The following BTRC variants were observed in gnomAD, a reference collection of about 807,000 sequenced individuals.
BTRC encodes the protein beta-transducin repeat containing E3 ubiquitin protein ligase, also known as F-box/WD repeat-containing protein 1A.
In BTRC, 42 loss-of-function variants were observed where a neutral mutation model predicts 85.5. The observed-to-expected ratio is 0.49, with a 90% CI of 0.38 to 0.64. The LOEUF (loss-of-function observed/expected upper bound fraction) is 0.64. Among genes scored for constraint, BTRC ranks in the 30% least tolerant of loss-of-function variants. The pLI, the probability that BTRC is intolerant of heterozygous loss-of-function variation, is 0.00. For synonymous variants in BTRC, 255 were observed against 263.3 expected, an observed-to-expected ratio of 0.97 and a Z score of 0.30; for missense variants, 594 against 743.5, an observed-to-expected ratio of 0.80 and a Z score of 2.34.
intron 1 of BTRC, among the ~76,000 whole-genome samples, chr10:101,387,703 T>C (rs1564742024): frequency 6.6e-6 from 1 of 151,290 alleles, no homozygotes; most frequent in South Asian, 2.1e-4. Context: ...ATTTTTTTTT[T>C]TCTTGAGACG....
chr10:101,536,632 TAGTC>T lies in BTRC; in HGVS notation c.1560_1563del (p.Ser521GlyfsTer62). The T allele has an allele frequency of 6.2e-7, 1 of 1,613,216 alleles. No homozygotes were observed. The highest frequency in any genetic ancestry group is 8.5e-7 in the Non-Finnish European group (1 of 1,179,210). On this transcript the variant is annotated frameshift_variant, in exon 12 of 15. Transcript: ENST00000370187. LOFTEE classifies it high-confidence loss of function. ...TGTATTCGATTTGATAACAAGAGGA[TAGTC>T]AGTGGGGCCTATGATGGGTGAGTGT...
chr10:101,401,611 G>T (rs1943493033), intron 1 of BTRC, among the ~76,000 whole-genome samples: 1 of 152,074 alleles, frequency 6.6e-6, no homozygotes, highest in South Asian at 2.1e-4. Context: ...AGCAGCCATA[G>T]ACTAAATATT....
chr10:101,535,310 A>G, intron 10 of BTRC, 44 bp from the exon 11 acceptor site: 1 of 1,473,154 alleles, frequency 6.8e-7, no homozygotes, highest in Non-Finnish European at 9.5e-7. Context: ...GATTTTACCA[A>G]TAAAAGCACC....
chr10:101,541,265 CTTT>C (rs34740269), intron 13 of BTRC, among the ~76,000 whole-genome samples: 1 of 147,128 alleles, frequency 6.8e-6, no homozygotes, highest in African/African-American at 2.5e-5. Flanking sequence ...GGGTTTTTCT[CTTT>C]TTTTTTTTTG....
At chr10:101,383,418 G>A (rs567543846) in intron 1 of BTRC, among the ~76,000 whole-genome samples, 1 of 149,216 alleles carries the variant, frequency 6.7e-6, no homozygotes, top group East Asian at 1.9e-4. Context: ...AAAAAGGCTA[G>A]TCAAGTTCTG....
intron 1 of BTRC, among the ~76,000 whole-genome samples, chr10:101,405,090 C>T (rs1004089752): frequency 1.3e-5 from 2 of 151,632 alleles, no homozygotes; most frequent in African/African-American, 4.8e-5. Flanking sequence ...GTTCATTAAC[C>T]ACTTTATGGG....
chr10:101,387,527 A>ATTTTTTTTTTTTT (rs1564741908), intron 1 of BTRC, among the ~76,000 whole-genome samples: 7 of 17,000 alleles, frequency 4.1e-4, no homozygotes, highest in Non-Finnish European at 5.9e-4. Context: ...CCTTCATGGG[A>ATTTTTTTTTTTTT]CTTTTTTTTT....
intron 4 of BTRC, among the ~76,000 whole-genome samples, chr10:101,487,247 A>G (rs1589537353): frequency 1.3e-5 from 2 of 152,212 alleles, no homozygotes; most frequent in African/African-American, 4.8e-5. Context: ...ATGCTACTCA[A>G]TGTTTATTAA....
chr10:101,514,517 A>G (rs1484401065), intron 4 of BTRC, among the ~76,000 whole-genome samples: 2 of 151,938 alleles, frequency 1.3e-5, no homozygotes, highest in Non-Finnish European at 1.5e-5. Context: ...CAGTAGCACA[A>G]TCTAGGCTCA....
At chr10:101,355,082 GTATC>G in intron 1 of BTRC, among the ~76,000 whole-genome samples, 1 of 152,180 alleles carries the variant, frequency 6.6e-6, no homozygotes, top group East Asian at 1.9e-4. Context: ...GGCAAAATGA[GTATC>G]TAATAGGGTA....
At chr10:101,466,172 GA>G (rs1945366348) in intron 3 of BTRC, among the ~76,000 whole-genome samples, 1 of 152,258 alleles carries the variant, frequency 6.6e-6, no homozygotes, top group South Asian at 2.1e-4. Flanking sequence ...AGTAAATTGT[GA>G]CCGTTGTCTA....
At chr10:101,469,214 A>T (rs1945458436) in intron 3 of BTRC, among the ~76,000 whole-genome samples, 1 of 152,216 alleles carries the variant, frequency 6.6e-6, no homozygotes, top group South Asian at 2.1e-4. Flanking sequence ...AACTGGAGAG[A>T]GTCTTACAGG....
At chr10:101,417,905 T>G (rs1454742603) in intron 1 of BTRC, among the ~76,000 whole-genome samples, 2 of 152,306 alleles carry the variant, frequency 1.3e-5, no homozygotes, top group African/African-American at 4.8e-5. Context: ...CTCTAATTCT[T>G]GGCCTCAGGC....
At chr10:101,374,024 A>G (rs1335046602) in intron 1 of BTRC, among the ~76,000 whole-genome samples, 2 of 152,136 alleles carry the variant, frequency 1.3e-5, no homozygotes, top group African/African-American at 4.8e-5. Flanking sequence ...TGGAGATTAT[A>G]TATTATTCTG....
intron 1 of BTRC, among the ~76,000 whole-genome samples, chr10:101,419,564 A>G (rs2134049157): frequency 6.6e-6 from 1 of 152,320 alleles, no homozygotes; most frequent in African/African-American, 2.4e-5. Flanking sequence ...GGTCTGTGCC[A>G]TGGGGACATC....
At chr10:101,368,509 T>A (rs1942540629) in intron 1 of BTRC, among the ~76,000 whole-genome samples, 1 of 128,038 alleles carries the variant, frequency 7.8e-6, no homozygotes, top group Non-Finnish European at 1.6e-5. Context: ...AGACAGGGTC[T>A]CACTCTGTTG....
chr10:101,492,980 C>A (rs1268203004), intron 4 of BTRC, among the ~76,000 whole-genome samples: 1 of 152,120 alleles, frequency 6.6e-6, no homozygotes, highest in African/African-American at 2.4e-5. Context: ...TTTTAGTCAG[C>A]AGTTTAGGTT....
intron 2 of BTRC, among the ~76,000 whole-genome samples, chr10:101,454,994 A>G (rs1432337830): frequency 6.6e-6 from 1 of 152,158 alleles, no homozygotes; most frequent in Non-Finnish European, 1.5e-5. Context: ...TATTTTAGGG[A>G]AAGACCATTA....
At chr10:101,362,966 A>T (rs1463459920) in intron 1 of BTRC, among the ~76,000 whole-genome samples, 1 of 152,214 alleles carries the variant, frequency 6.6e-6, no homozygotes, top group East Asian at 1.9e-4. Flanking sequence ...TGTGTAGGTT[A>T]TGTGCCGTTT....
Sources: gnomAD v4.1 joint callset for allele counts (sites outside exome capture counted in the v4.1 genomes callset) on GRCh38, gnomAD v4.1.1 for gene constraint, MANE v1.5 for transcripts, NCBI Gene and HGNC (gene_info 2026-07-23, HGNC 2026-07-21) for gene names.